The following TIPIN variants were observed in gnomAD, a reference collection of about 807,000 sequenced individuals.
TIPIN encodes the protein TIMELESS-interacting protein.
Under a neutral mutation model 35.6 loss-of-function variants are expected in TIPIN, and 29 were observed. The ratio of observed to expected loss-of-function variants is 0.82; its 90% CI spans 0.61 to 1.11. The LOEUF is 1.11. TIPIN is among the 50% of genes most tolerant of loss of function. The pLI is 0.00. For missense variants in TIPIN, 296 were observed against 345.4 expected, an observed-to-expected ratio of 0.86 and a Z score of 1.13; for synonymous variants, 102 against 121.5, an observed-to-expected ratio of 0.84 and a Z score of 1.06.
chr15:66,355,027 CTTTTTTT>C (rs747834289), intron 1 of TIPIN, among the ~76,000 whole-genome samples: 13 of 112,718 alleles, frequency 1.2e-4, no homozygotes, highest in Non-Finnish European at 2.1e-4. Context: ...CAATATATAT[CTTTTTTT>C]TTTTTTTTTT....
At chr15:66,367,735 GTTTT>G (rs535581582) in intron 1 of TIPIN, among the ~76,000 whole-genome samples, 23 of 139,374 alleles carry the variant, frequency 1.7e-4, no homozygotes, top group African/African-American at 6.0e-4. Flanking sequence ...AATTTTTTAT[GTTTT>G]TTTTCCAAGA....
At chr15:66,377,719 A>C (rs1213033329) in intron 1 of TIPIN, among the ~76,000 whole-genome samples, 1 of 139,720 alleles carries the variant, frequency 7.2e-6, no homozygotes. Context: ...CCCAGGCTGG[A>C]GTGCTGGATT....
intron 1 of TIPIN, among the ~76,000 whole-genome samples, chr15:66,370,951 G>A (rs903400452): frequency 2.0e-5 from 3 of 152,028 alleles, no homozygotes; most frequent in South Asian, 2.1e-4. Flanking sequence ...TGGCTCACAC[G>A]TGTAATCCCA....
chr15:66,362,698 G>A (rs1211409807), intron 1 of TIPIN, among the ~76,000 whole-genome samples: 1 of 152,104 alleles, frequency 6.6e-6, no homozygotes, highest in African/African-American at 2.4e-5. Flanking sequence ...TCCAACCTAG[G>A]CGACAGAAAA....
chr15:66,373,066 T>C (rs913141766), intron 1 of TIPIN, among the ~76,000 whole-genome samples: 4 of 152,226 alleles, frequency 2.6e-5, no homozygotes, highest in Non-Finnish European at 5.9e-5. Context: ...AGCCTAGGTG[T>C]GTAGTAGGTT....
At chr15:66,356,698 C>G, upstream of TIPIN, 1 of 985,514 alleles carries the variant, frequency 1.0e-6, no homozygotes, top group South Asian at 4.7e-5. Context: ...GCGCGCTTCT[C>G]GCGATACTCG....
intron 1 of TIPIN, among the ~76,000 whole-genome samples, chr15:66,374,615 T>C (rs1335959925): frequency 1.3e-5 from 2 of 152,092 alleles, no homozygotes; most frequent in Non-Finnish European, 2.9e-5. Context: ...GTTTCGTTCT[T>C]GTTGCCCAGG....
intron 7 of TIPIN, among the ~76,000 whole-genome samples, chr15:66,340,602 ATTC>A (rs968050189): frequency 1.3e-5 from 2 of 151,692 alleles, no homozygotes; most frequent in African/African-American, 2.4e-5. Context: ...ATTAAAATAA[ATTC>A]TTTTTTTTTT....
intron 6 of TIPIN, among the ~76,000 whole-genome samples, chr15:66,343,605 C>CA (rs2093103167): frequency 6.6e-6 from 1 of 152,032 alleles, no homozygotes. Context: ...ACATGGAAAA[C>CA]AAAAATGTAG....
intron 6 of TIPIN, among the ~76,000 whole-genome samples, chr15:66,348,698 A>C (rs2093145623): frequency 6.6e-6 from 1 of 151,862 alleles, no homozygotes; most frequent in Non-Finnish European, 1.5e-5. Flanking sequence ...CAGCTCAAAA[A>C]AAAAAAAGTT....
chr15:66,379,839 A>G, intron 1 of TIPIN: 4 of 1,595,838 alleles, frequency 2.5e-6, no homozygotes, highest in East Asian at 2.2e-5. Flanking sequence ...GCCATTCACG[A>G]TAACTGTGTG....
At chr15:66,372,681 G>C (rs149913370) in intron 1 of TIPIN, among the ~76,000 whole-genome samples, 2 of 152,154 alleles carry the variant, frequency 1.3e-5, no homozygotes, top group African/African-American at 4.8e-5. Flanking sequence ...CAAGGCAGGC[G>C]GATCACGAGG....
intron 3 of TIPIN, 41 bp from the exon 4 acceptor site, chr15:66,351,641 C>CTTT (rs56040501): frequency 4.0e-3 from 4,310 of 1,077,536 alleles, no homozygotes; most frequent in East Asian, 5.7e-3. Context: ...GTTTTATTTT[C>CTTT]TTTTTTTTTT....
In TIPIN at chr15:66,336,809, TATAA is replaced by T; in HGVS notation, c.*145_*148del. On this transcript the variant is annotated 3_prime_UTR_variant, in exon 8 of 8. Transcript: ENST00000261881. ...ATTTAACTAAAGTGACAAGCATAAT[TATAA>T]ATAAATACCAGATTATCAGATTTTA... is the stretch of plus-strand genomic sequence containing the variant. The T allele has an allele frequency of 1.6e-6, 1 of 631,894 alleles. No homozygotes were observed. The highest frequency in any genetic ancestry group is 1.8e-5 in the African/African-American group (1 of 54,760). 39.1% of individuals were successfully genotyped at this position (631,894 alleles called of 1,614,324 possible).
At chr15:66,366,830 A>G in intron 1 of TIPIN, 1 of 984,850 alleles carries the variant, frequency 1.0e-6, no homozygotes, top group Non-Finnish European at 1.2e-6. Flanking sequence ...CCAAGGAAGC[A>G]GTGGACTATG....
rs147897913 is a variant in TIPIN, at chr15:66,345,377, C to G, written c.475+3683G>C. 2.3e-3 allele frequency among the ~76,000 whole-genome samples: 351 copies of G among 152,012 alleles called. 1 individual carries two copies. Among genetic ancestry groups the G allele is most frequent in the Non-Finnish European group, 3.9e-3 (268 of 67,994 alleles). On this transcript the variant is annotated intron_variant, in intron 6 of 7. Coordinates refer to ENST00000261881, the MANE Select transcript of TIPIN (RefSeq NM_017858.3). ...CTGTTTGAGGCCAGGAGATACAGAC[C>G]AGCTTGGGCAACATAGTGAGATCCT...
upstream of TIPIN, among the ~76,000 whole-genome samples, chr15:66,361,562 T>TAA (rs376136865): frequency 0.27 from 36,526 of 133,368 alleles, 5,259 homozygotes; most frequent in South Asian, 0.37. Flanking sequence ...ACCTGTAATT[T>TAA]AAAAAAAAAA....
intron 1 of TIPIN, among the ~76,000 whole-genome samples, chr15:66,376,492 G>A (rs1298006344): frequency 6.6e-6 from 1 of 151,598 alleles, no homozygotes; most frequent in African/African-American, 2.4e-5. Context: ...GCCATGATGT[G>A]GTCTCGGCTC....
chr15:66,360,715 C>T (rs144298663), upstream of TIPIN, among the ~76,000 whole-genome samples: 2,118 of 152,168 alleles, frequency 0.014, 27 homozygotes, highest in South Asian at 0.041. Flanking sequence ...GCCTGTAATC[C>T]CAGCACTTTG....
Sources: gnomAD v4.1 joint callset for allele counts (sites outside exome capture counted in the v4.1 genomes callset) on GRCh38, gnomAD v4.1.1 for gene constraint, MANE v1.5 for transcripts, NCBI Gene and HGNC (gene_info 2026-07-23, HGNC 2026-07-21) for gene names.